Variants in FGD2 observed in about 807,000 individuals in gnomAD.
The protein encoded by FGD2 is FYVE, RhoGEF and PH domain-containing protein 2.
Under a neutral mutation model 75.9 loss-of-function variants are expected in FGD2, and 52 were observed. That is an observed-to-expected ratio of 0.69 (90% CI 0.55 to 0.86). FGD2 has a LOEUF of 0.86. Among genes scored for constraint, FGD2 ranks in the 40% least tolerant of loss-of-function variants. The probability of loss-of-function intolerance (pLI) is 0.00; values close to 1 mark genes in which losing one functional copy is unlikely to be tolerated. For synonymous variants in FGD2, 347 were observed against 348.6 expected (o/e 1.00, Z 0.05); for missense variants, 790 against 872.0 (o/e 0.91, Z 1.18).
Position 37,021,545 on chromosome 6 carries a change from CGGAATG to C in FGD2, c.1268_1273del (p.Arg423_Glu425delinsGln). On this transcript the variant is annotated inframe_deletion, in exon 12 of 16. Coordinates refer to ENST00000274963, the MANE Select transcript of FGD2 (RefSeq NM_173558.4). ...AGCAGCCATTGACCAAATCGAGAAG[CGGAATG>C]AAACCTTCAAGGCTGCGGCCCAGGG... 6.2e-7 allele frequency: 1 copy of C among 1,614,014 alleles called. No individual in the cohort carries two copies. The highest frequency in any genetic ancestry group is 8.5e-7 in the Non-Finnish European group (1 of 1,179,930).
At chr6:37,021,805 C>G (rs1320376053) in intron 12 of FGD2, 4 of 566,658 alleles carry the variant, frequency 7.1e-6, no homozygotes, top group African/African-American at 1.9e-5. Flanking sequence ...CCTTTGAGAG[C>G]CTGTCTGCAC....
At chr6:37,010,681 C>T (rs900791609) in intron 2 of FGD2, among the ~76,000 whole-genome samples, 5 of 152,192 alleles carry the variant, frequency 3.3e-5, no homozygotes, top group African/African-American at 1.2e-4. Flanking sequence ...TCCATGAGGT[C>T]TCCCTATCAG....
At chr6:37,026,032 G>T in intron 14 of FGD2, 94 bp downstream of exon 14, 1 of 1,520,510 alleles carries the variant, frequency 6.6e-7, no homozygotes. Flanking sequence ...CAGTGCTGAG[G>T]AACAAGCCAG....
At chr6:37,007,404 C>T (rs917810433) in intron 1 of FGD2, among the ~76,000 whole-genome samples, 10 of 152,230 alleles carry the variant, frequency 6.6e-5, no homozygotes, top group East Asian at 3.8e-4. Context: ...TGGGTGCCGC[C>T]TTCCTGGCCC....
At chr6:37,015,888 C>T (rs1169115185) in intron 9 of FGD2, 28 bp downstream of exon 9, 1 of 1,547,722 alleles carries the variant, frequency 6.5e-7, no homozygotes. Flanking sequence ...CACCACTGGG[C>T]TCCACCTCAA....
chr6:37,005,969 T>G, intron 1 of FGD2, 84 bp downstream of exon 1: 60 of 1,411,402 alleles, frequency 4.3e-5, no homozygotes, highest in Middle Eastern at 2.4e-4. Context: ...CCCTGGGCCC[T>G]GCCCCGGACC....
At chr6:37,027,688 G>T in intron 15 of FGD2, 113 bp downstream of exon 15, 1 of 1,351,452 alleles carries the variant, frequency 7.4e-7, no homozygotes. Context: ...GGGAAACTGA[G>T]GCCCAATGAG....
At chr6:37,011,307 C>T (rs1764993738) in intron 3 of FGD2, 3 of 581,586 alleles carry the variant, frequency 5.2e-6, no homozygotes, top group Middle Eastern at 4.5e-4. Context: ...CCCTTGCTGG[C>T]CTACACGGTA....
chr6:37,015,676 C>T, intron 8 of FGD2, 92 bp from the exon 9 acceptor site: 1 of 1,167,898 alleles, frequency 8.6e-7, no homozygotes, highest in East Asian at 2.6e-5. Flanking sequence ...TCCAGTGGTG[C>T]TCAGCCCATG....
intron 2 of FGD2, 67 bp downstream of exon 2, chr6:37,009,132 C>A: frequency 6.9e-7 from 1 of 1,453,356 alleles, no homozygotes; most frequent in Non-Finnish European, 9.4e-7. Flanking sequence ...CTCCCCTCCA[C>A]ACATGCTTTC....
chr6:37,025,780 T>C lies in FGD2; in HGVS notation c.1459-12T>C. 1 of 1,614,152 alleles carries C rather than the reference T, an allele frequency of 6.2e-7. No homozygotes were observed. The highest frequency in any genetic ancestry group is 8.5e-7 in the Non-Finnish European group (1 of 1,180,020). On this transcript the variant is annotated splice_polypyrimidine_tract_variant and intron_variant, in intron 13 of 15. Transcript: ENST00000274963. ...GGTCTCAGCCCCATGCCCCCTTATG[T>C]GTCCTCCTCAGGTGGTGTGTGCCAG...
At chr6:37,027,686 G>A (rs1346179975) in intron 15 of FGD2, 111 bp downstream of exon 15, 1 of 1,349,372 alleles carries the variant, frequency 7.4e-7, no homozygotes, top group Non-Finnish European at 1.0e-6. Flanking sequence ...TAGGGAAACT[G>A]AGGCCCAATG....
intron 11 of FGD2, 73 bp from the exon 12 acceptor site, chr6:37,021,439 G>A (rs569388905): frequency 3.4e-5 from 46 of 1,363,158 alleles, no homozygotes; most frequent in African/African-American, 1.1e-4. Flanking sequence ...TTGCATGCAC[G>A]GAAGGATGGA....
intron 1 of FGD2, among the ~76,000 whole-genome samples, chr6:37,008,555 T>C (rs2150766929): frequency 6.6e-6 from 1 of 152,250 alleles, no homozygotes; most frequent in South Asian, 2.1e-4. Flanking sequence ...ACAGAAAGGA[T>C]TCCTGGACAC....
chr6:37,014,144 G>A lies in FGD2; in HGVS notation c.823+44G>A, dbSNP rs759983660. 10 of 1,594,736 alleles carry A rather than the reference G, an allele frequency of 6.3e-6. No individual in the cohort carries two copies. In the Admixed American group the frequency reaches 1.6e-4, roughly 26 times the overall value. ...GTCCCAGGGGGCTGAGGAGGCCTAA[G>A]CCATTCCCATATACTTACTGAGCTC... On this transcript the variant is annotated intron_variant, in intron 6 of 15. Coordinates refer to ENST00000274963, the MANE Select transcript of FGD2 (RefSeq NM_173558.4).
chr6:37,026,361 G>T, intron 14 of FGD2: 1 of 985,406 alleles, frequency 1.0e-6, no homozygotes, highest in Non-Finnish European at 1.2e-6. Flanking sequence ...TAACTGGAAG[G>T]GACTCCAGGG....
intron 9 of FGD2, among the ~76,000 whole-genome samples, chr6:37,019,855 C>CTTTTT (rs11385767): frequency 1.0e-4 from 14 of 136,228 alleles, no homozygotes; most frequent in Non-Finnish European, 1.2e-4. Context: ...CTTTTCTTTT[C>CTTTTT]TTTTTTTTTT....
rs533494276 is a variant in FGD2, at chr6:37,016,503, C to T, written c.1122+643C>T. ...GGACCACAAGATCCTCCTAACAGCC[C>T]CATGATGCAGGGGCTGTTAGAATCT... On this transcript the variant is annotated intron_variant, in intron 9 of 15. Transcript: ENST00000274963. 1.3e-3 allele frequency among the ~76,000 whole-genome samples: 193 copies of T among 151,796 alleles called. 1 individual carries two copies. Among genetic ancestry groups the T allele is most frequent in the African/African-American group, 4.5e-3 (187 of 41,340 alleles).
chr6:37,019,675 A>G (rs1765469161), intron 9 of FGD2, among the ~76,000 whole-genome samples: 1 of 152,040 alleles, frequency 6.6e-6, no homozygotes, highest in Non-Finnish European at 1.5e-5. Flanking sequence ...CTTCCATCTC[A>G]CCCTTGGGGG....
Sources: allele counts gnomAD v4.1 joint callset (sites outside exome capture counted in the v4.1 genomes callset), GRCh38; gene constraint gnomAD v4.1.1; transcripts MANE v1.5; gene names NCBI Gene and HGNC (gene_info 2026-07-23, HGNC 2026-07-21).